Variants in EPHA3 observed in about 807,000 individuals in gnomAD.
The protein encoded by EPHA3 is ephrin type-A receptor 3.
In EPHA3, 42 loss-of-function variants were observed where a neutral mutation model predicts 107.1. The ratio of observed to expected loss-of-function variants is 0.39; its 90% CI spans 0.31 to 0.51. The LOEUF is 0.51. EPHA3 is among the 20% of genes least tolerant of loss of function. The pLI, the probability that EPHA3 is intolerant of heterozygous loss-of-function variation, is 0.78. For synonymous variants in EPHA3, 461 were observed against 424.8 expected (o/e 1.09, Z -1.05); for missense variants, 1,183 against 1,211.2 (o/e 0.98, Z 0.35).
At position 89,416,451 on chromosome 3, in the gene EPHA3, A is replaced by T. The variant is rs540637462; in HGVS notation, c.1889-2754A>T. Reference sequence around the variant, plus strand: ...TTAACTTTTACAATACAGTTCTTTTATTTTTTATTTTTAATCTTTTTCTAT... The same window carrying T: ...TTAACTTTTACAATACAGTTCTTTTTTTTTTTATTTTTAATCTTTTTCTAT... On this transcript the variant is annotated intron_variant, in intron 10 of 16. Transcript: ENST00000336596. 5.9e-5 allele frequency among the ~76,000 whole-genome samples: 9 copies of T among 151,324 alleles called. No individual in the cohort carries two copies. In the East Asian group the frequency reaches 1.6e-3, roughly 26 times the overall value.
chr3:89,122,154 C>T (rs1397747737), intron 1 of EPHA3, among the ~76,000 whole-genome samples: 1 of 152,098 alleles, frequency 6.6e-6, no homozygotes, highest in Non-Finnish European at 1.5e-5. Flanking sequence ...CAAAGTTATT[C>T]TGCTTATTAT....
intron 2 of EPHA3, among the ~76,000 whole-genome samples, chr3:89,183,944 A>G (rs1484106064): frequency 1.3e-5 from 2 of 152,016 alleles, no homozygotes; most frequent in African/African-American, 4.8e-5. Context: ...CATTTAAATC[A>G]TATTACTATA....
At position 89,341,880 on chromosome 3, in the gene EPHA3, T is replaced by A; in HGVS notation, c.1096T>A (p.Cys366Ser). 3.1e-6 allele frequency: 5 copies of A among 1,613,610 alleles called. No individual in the cohort carries two copies. Among genetic ancestry groups the A allele is most frequent in the Non-Finnish European group, 4.2e-6 (5 of 1,179,914 alleles). ...DVTFNIICKKCGWNIKQCEPC... is the reference protein window; with the variant it reads ...DVTFNIICKKSGWNIKQCEPC... ...TACCTTCAACATCATATGTAAAAAA[T>A]GTGGGTGGAATATAAAACAGTGTGA... Residue 366 changes from cysteine to serine, a missense_variant, in exon 5 of 17, where the codon TGT (cysteine) becomes AGT (serine). By Grantham distance (112) the Cys-to-Ser change is moderately radical. Transcript: ENST00000336596.
At chr3:89,161,034 G>A (rs1704926243) in intron 2 of EPHA3, among the ~76,000 whole-genome samples, 1 of 152,104 alleles carries the variant, frequency 6.6e-6, no homozygotes, top group Non-Finnish European at 1.5e-5. Context: ...AAGTCCACTA[G>A]AAGGATGTTA....
In EPHA3 at chr3:89,239,567, A is replaced by C. The variant is rs1314761597; in HGVS notation, c.814+29047A>C. Among the ~76,000 whole-genome samples, 7 of 152,330 alleles carry C rather than the reference A, an allele frequency of 4.6e-5. No homozygotes were observed. The East Asian group carries it at 1.3e-3, about 29-fold the overall frequency. ...ACAATAAAATATTAAGTTTTGAATG[A>C]AGTAAATGGGAATTCATAGTAGCAT... On this transcript the variant is annotated intron_variant, in intron 3 of 16. Transcript: ENST00000336596.
chr3:89,232,387 T>C (rs1287501032), intron 3 of EPHA3, among the ~76,000 whole-genome samples: 2 of 152,018 alleles, frequency 1.3e-5, no homozygotes, highest in Non-Finnish European at 2.9e-5. Context: ...TTAAGGTGTG[T>C]CTTGTCAGGT....
chr3:89,126,870 T>C (rs1430854109), intron 1 of EPHA3, among the ~76,000 whole-genome samples: 1 of 151,818 alleles, frequency 6.6e-6, no homozygotes, highest in Middle Eastern at 3.2e-3. Flanking sequence ...TGAAGTTATT[T>C]TGATATGCTA....
At chr3:89,246,358 A>G (rs1220231074) in intron 3 of EPHA3, among the ~76,000 whole-genome samples, 3 of 152,212 alleles carry the variant, frequency 2.0e-5, no homozygotes, top group African/African-American at 7.2e-5. Context: ...CCCACAGTTA[A>G]TTGTTTATTT....
chr3:89,455,971 A>G (rs1266130241), intron 15 of EPHA3, among the ~76,000 whole-genome samples: 1 of 152,188 alleles, frequency 6.6e-6, no homozygotes, highest in African/African-American at 2.4e-5. Context: ...GAGAGCACAC[A>G]CCATGCTTCT....
At chr3:89,379,119 T>A (rs1333404296) in intron 5 of EPHA3, among the ~76,000 whole-genome samples, 1 of 152,202 alleles carries the variant, frequency 6.6e-6, no homozygotes, top group Non-Finnish European at 1.5e-5. Flanking sequence ...AATTTCCCCT[T>A]TGCTTTCTGC....
intron 2 of EPHA3, among the ~76,000 whole-genome samples, chr3:89,156,698 C>CA (rs1704815301): frequency 6.6e-6 from 1 of 151,594 alleles, no homozygotes. Context: ...GCAAATTAAC[C>CA]AAAAAAGTTA....
intron 2 of EPHA3, among the ~76,000 whole-genome samples, chr3:89,128,911 A>T (rs1704145349): frequency 6.6e-6 from 1 of 152,020 alleles, no homozygotes; most frequent in African/African-American, 2.4e-5. Flanking sequence ...ATGTGATGGG[A>T]TAGAGTTGGC....
At chr3:89,307,368 A>G (rs1706648293) in intron 3 of EPHA3, among the ~76,000 whole-genome samples, 2 of 152,186 alleles carry the variant, frequency 1.3e-5, no homozygotes, top group South Asian at 4.1e-4. Context: ...AAAACCCATG[A>G]AATAAATTAA....
At chr3:89,295,558 G>A (rs769647236) in intron 3 of EPHA3, among the ~76,000 whole-genome samples, 1 of 152,042 alleles carries the variant, frequency 6.6e-6, no homozygotes, top group Non-Finnish European at 1.5e-5. Flanking sequence ...CTAAGTTTGT[G>A]TAATATTCTA....
chr3:89,113,739 G>A (rs749208235), intron 1 of EPHA3, among the ~76,000 whole-genome samples: 2 of 45,582 alleles, frequency 4.4e-5, no homozygotes, highest in Admixed American at 2.0e-4. Flanking sequence ...GGGTTGAGGT[G>A]GGGGGGGGCT....
intron 1 of EPHA3, among the ~76,000 whole-genome samples, chr3:89,118,796 G>A (rs1420102612): frequency 2.0e-5 from 3 of 151,860 alleles, no homozygotes; most frequent in Admixed American, 2.0e-4. Context: ...GGAGTGGAAT[G>A]CTCTGTGCTC....
At chr3:89,153,661 A>C (rs1704735029) in intron 2 of EPHA3, among the ~76,000 whole-genome samples, 1 of 152,062 alleles carries the variant, frequency 6.6e-6, no homozygotes, top group Non-Finnish European at 1.5e-5. Flanking sequence ...CTTTCTGACC[A>C]AGCCACCACC....
At chr3:89,332,822 AAG>A (rs1707317140) in intron 3 of EPHA3, among the ~76,000 whole-genome samples, 1 of 152,164 alleles carries the variant, frequency 6.6e-6, no homozygotes, top group South Asian at 2.1e-4. Context: ...TGAATACTAA[AAG>A]AGACCTATTT....
At chr3:89,197,676 C>T (rs1478502193) in intron 2 of EPHA3, among the ~76,000 whole-genome samples, 2 of 152,118 alleles carry the variant, frequency 1.3e-5, no homozygotes, top group African/African-American at 4.8e-5. Context: ...ATAGCAGACT[C>T]ATTTCTCATA....
Sources: allele counts gnomAD v4.1 joint callset (sites outside exome capture counted in the v4.1 genomes callset), GRCh38; gene constraint gnomAD v4.1.1; transcripts MANE v1.5; gene names NCBI Gene and HGNC (gene_info 2026-07-23, HGNC 2026-07-21).